The following LUZP1 variants were observed in gnomAD, a reference collection of about 807,000 sequenced individuals.
LUZP1 encodes filamin mechanobinding actin cross-linking protein.
LUZP1 carries 25 observed loss-of-function variants against 71.3 expected under a neutral mutation model. The ratio of observed to expected loss-of-function variants is 0.35; its 90% CI spans 0.26 to 0.49. The LOEUF is 0.49. Among genes scored for constraint, LUZP1 ranks in the 20% least tolerant of loss-of-function variants. LUZP1 has a pLI of 0.99. For synonymous variants in LUZP1, 481 were observed against 506.4 expected, an observed-to-expected ratio of 0.95 and a Z score of 0.67; for missense variants, 1,142 against 1,300.8, an observed-to-expected ratio of 0.88 and a Z score of 1.88.
chr1:23,110,048 G>T (rs562202585), intron 2 of LUZP1, among the ~76,000 whole-genome samples: 1 of 152,286 alleles, frequency 6.6e-6, no homozygotes, highest in South Asian at 2.1e-4. Flanking sequence ...CTACTTTACA[G>T]ATAAAGAATT....
chr1:23,092,410 C>G (rs1643866010), exon 4 of LUZP1: 1 of 1,614,008 alleles, frequency 6.2e-7, no homozygotes, highest in Non-Finnish European at 8.5e-7. Context: ...GTTGAAAATC[C>G]CTGAAGGATG....
chr1:23,092,011 G>A (rs146031719), exon 4 of LUZP1: 198 of 1,613,864 alleles, frequency 1.2e-4, no homozygotes, highest in Non-Finnish European at 1.2e-4. Flanking sequence ...GCTCTAGACC[G>A]CAACGCCTCT....
At chr1:23,108,537 C>G (rs1205141609) in intron 3 of LUZP1, among the ~76,000 whole-genome samples, 1 of 152,180 alleles carries the variant, frequency 6.6e-6, no homozygotes, top group Middle Eastern at 3.2e-3. Flanking sequence ...GAAGTCAAGG[C>G]TGCAGTGAGC....
At chr1:23,131,651 T>C (rs966162643) in intron 2 of LUZP1, among the ~76,000 whole-genome samples, 5 of 152,084 alleles carry the variant, frequency 3.3e-5, no homozygotes, top group Admixed American at 6.6e-5. Flanking sequence ...AGCAAGAACA[T>C]TGTTTCCTGC....
intron 2 of LUZP1, among the ~76,000 whole-genome samples, chr1:23,131,678 A>ATTTATTTTAT (rs55796859): frequency 2.6e-5 from 4 of 151,398 alleles, no homozygotes; most frequent in South Asian, 4.2e-4. Flanking sequence ...TTATTCATTT[A>ATTTATTTTAT]TTTATTTTAT....
chr1:23,092,274 A>G (rs747986361), exon 4 of LUZP1: 1 of 1,614,204 alleles, frequency 6.2e-7, no homozygotes, highest in Non-Finnish European at 8.5e-7. Flanking sequence ...TGCTATGTCC[A>G]AGTCATCATC....
exon 5 of LUZP1, chr1:23,087,408 T>C (rs1643782550): frequency 6.6e-6 from 1 of 152,292 alleles, no homozygotes; most frequent in Admixed American, 6.5e-5. Flanking sequence ...ATACCAGATT[T>C]GGTGCCCTTA....
At chr1:23,096,188 T>C (rs968038963) in intron 3 of LUZP1, among the ~76,000 whole-genome samples, 1 of 148,126 alleles carries the variant, frequency 6.8e-6, no homozygotes, top group Non-Finnish European at 1.5e-5. Flanking sequence ...TCAGAAGATC[T>C]GAAAGTTAAC....
intron 2 of LUZP1, among the ~76,000 whole-genome samples, chr1:23,122,828 T>A (rs950493657): frequency 6.6e-6 from 1 of 152,250 alleles, no homozygotes; most frequent in East Asian, 1.9e-4. Flanking sequence ...CCTAATGCTA[T>A]GAACACAGTA....
intron 2 of LUZP1, among the ~76,000 whole-genome samples, chr1:23,138,172 C>T (rs1295806460): frequency 2.0e-5 from 3 of 152,092 alleles, no homozygotes; most frequent in African/African-American, 7.2e-5. Flanking sequence ...TGGGGTTTTA[C>T]CGTGTTGCCC....
Position 23,147,233 on chromosome 1 carries a change from G to A in LUZP1, c.-226+21533C>T, listed in dbSNP as rs1644350948. Among the ~76,000 whole-genome samples, 2 of 151,422 alleles carry A rather than the reference G, an allele frequency of 1.3e-5. 1 individual carries two copies. Among genetic ancestry groups the A allele is most frequent in the African/African-American group, 4.9e-5 (2 of 41,186 alleles). ...AGACGGGTGGATCACTTTAGGTCAG[G>A]GGTTCCAGAGCAGCCTAACCAACAT... On this transcript the variant is annotated intron_variant, in intron 2 of 4. Coordinates refer to ENST00000302291, the Ensembl canonical transcript of LUZP1.
intron 3 of LUZP1, among the ~76,000 whole-genome samples, chr1:23,101,990 C>A (rs1374113239): frequency 6.6e-6 from 1 of 151,584 alleles, no homozygotes; most frequent in East Asian, 1.9e-4. Flanking sequence ...GACCATCTTA[C>A]ATAAGATAGC....
intron 2 of LUZP1, among the ~76,000 whole-genome samples, chr1:23,130,461 G>GAA (rs1644205238): frequency 2.1e-5 from 3 of 142,400 alleles, no homozygotes; most frequent in Admixed American, 7.1e-5. Flanking sequence ...ATCTGTTTAA[G>GAA]AAAAAAATAA....
intron 2 of LUZP1, among the ~76,000 whole-genome samples, chr1:23,138,750 C>T (rs762010665): frequency 1.4e-4 from 21 of 149,052 alleles, no homozygotes; most frequent in Non-Finnish European, 2.1e-4. Context: ...CGCCTGTAAT[C>T]CCAGCACTTT....
chr1:23,095,333 T>C (rs1643886916), intron 3 of LUZP1, among the ~76,000 whole-genome samples: 1 of 152,154 alleles, frequency 6.6e-6, no homozygotes, highest in African/African-American at 2.4e-5. Context: ...GCAAACCAGA[T>C]AACCTGGAAA....
intron 3 of LUZP1, among the ~76,000 whole-genome samples, chr1:23,095,427 A>C (rs1643887298): frequency 6.6e-6 from 1 of 152,254 alleles, no homozygotes; most frequent in Admixed American, 6.5e-5. Context: ...ATAGAAAGTA[A>C]GTGACATTCC....
intron 1 of LUZP1, among the ~76,000 whole-genome samples, chr1:23,172,735 G>C (rs1015287679): frequency 6.6e-6 from 1 of 151,840 alleles, no homozygotes; most frequent in Non-Finnish European, 1.5e-5. Context: ...GGCTGGTCTC[G>C]AATGCCTGGG....
intron 2 of LUZP1, among the ~76,000 whole-genome samples, chr1:23,147,200 G>A (rs1040028406): frequency 6.6e-6 from 1 of 151,536 alleles, no homozygotes; most frequent in African/African-American, 2.4e-5. Context: ...CAGCACTTTG[G>A]GAGGCCGAGA....
rs1021216193 is a variant in LUZP1, at chr1:23,088,797, G to T, written c.*98C>A. The stretch of plus-strand genomic sequence containing the variant: ...CCACAGTTTTCCAGCCAAGGCTTGT[G>T]TCTTGCCTGGTTAACTGGCCTTGGA... On this transcript the variant is annotated 3_prime_UTR_variant, in exon 5 of 5. Transcript: ENST00000302291. The T allele has an allele frequency of 5.4e-6, 8 of 1,493,470 alleles. No homozygotes were observed. The African/African-American group carries it at 1.1e-4, about 21-fold the overall frequency. The allele number at this position is 1,493,470 out of a possible 1,614,324, so 92.5% of individuals were successfully genotyped here.
Sources: allele counts gnomAD v4.1 joint callset (sites outside exome capture counted in the v4.1 genomes callset), GRCh38; gene constraint gnomAD v4.1.1; transcripts MANE v1.5; gene names NCBI Gene and HGNC (gene_info 2026-07-23, HGNC 2026-07-21).